KCNA2: variants seen among roughly 807,000 people sequenced by gnomAD.
KCNA2 encodes potassium channel, voltage gated shaker related subfamily A, member 2.
In KCNA2, 11 loss-of-function variants were observed where a neutral mutation model predicts 33.4. The observed-to-expected ratio is 0.33, with a 90% CI of 0.21 to 0.55. The LOEUF (loss-of-function observed/expected upper bound fraction) is 0.55. KCNA2 is among the 20% of genes least tolerant of loss of function. KCNA2 has a pLI of 0.93. For synonymous variants in KCNA2, 222 were observed against 231.3 expected (o/e 0.96, Z 0.37); for missense variants, 291 against 621.6 (o/e 0.47, Z 5.66).
rs2101351152 is a variant in KCNA2, at chr1:110,594,788, C to T, written c.*8495G>A. On this transcript the variant is annotated 3_prime_UTR_variant, in exon 3 of 3. Transcript: ENST00000316361. Reference sequence around the variant, plus strand: ...CGCCAAAGCCAGCCAGGCCTCTCTTCTTGCTTTTCTATCCCATTTCTTAGC... The same window carrying T: ...CGCCAAAGCCAGCCAGGCCTCTCTTTTTGCTTTTCTATCCCATTTCTTAGC... 1.0e-6 allele frequency: 1 copy of T among 985,616 alleles called. No individual in the cohort carries two copies. The highest frequency in any genetic ancestry group is 6.1e-5 in the Admixed American group (1 of 16,294). 61.1% of individuals were successfully genotyped at this position (985,616 alleles called of 1,614,324 possible). A position where few individuals can be genotyped will look rare whatever the true frequency, so the allele number is the denominator to read the frequency against.
chr1:110,596,800 C>A lies in KCNA2; in HGVS notation c.*6483G>T. 2 of 985,410 alleles carry A rather than the reference C, an allele frequency of 2.0e-6. No homozygotes were observed. Among genetic ancestry groups the A allele is most frequent in the Admixed American group, 6.1e-5 (1 of 16,278 alleles). The allele number at this position is 985,410 out of a possible 1,614,324, so 61.0% of individuals were successfully genotyped here. A position where few individuals can be genotyped will look rare whatever the true frequency, so the allele number is the denominator to read the frequency against. ...GGATGTTCCTGTCCCTGAGGTTTCC[C>A]CATCAGTTAACTGAGGTTTTGCTGT... is the stretch of plus-strand genomic sequence containing the variant. On this transcript the variant is annotated 3_prime_UTR_variant, in exon 3 of 3. Transcript: ENST00000316361.
intron 1 of KCNA2, chr1:110,631,358 T>A (rs1207456921): frequency 1.3e-5 from 2 of 152,474 alleles, no homozygotes; most frequent in South Asian, 4.1e-4. Flanking sequence ...TGTCCACACA[T>A]GCATGCTCAC....
At chr1:110,616,014 A>G (rs1461333981) in intron 1 of KCNA2, among the ~76,000 whole-genome samples, 2 of 152,362 alleles carry the variant, frequency 1.3e-5, no homozygotes, top group East Asian at 1.9e-4. Context: ...AGCCTCACCA[A>G]TTCAGAAAAA....
At chr1:110,622,595 A>G (rs1284365484) in intron 1 of KCNA2, among the ~76,000 whole-genome samples, 2 of 152,262 alleles carry the variant, frequency 1.3e-5, no homozygotes, top group East Asian at 3.9e-4. Flanking sequence ...AGAAAATCCA[A>G]TGGAATCTAC....
Position 110,598,072 on chromosome 1 carries a change from G to T in KCNA2, c.*5211C>A. The T allele has an allele frequency of 1.0e-6, 1 of 985,250 alleles. No homozygotes were observed. The highest frequency in any genetic ancestry group is 1.2e-6 in the Non-Finnish European group (1 of 829,812). 61.0% of individuals were successfully genotyped at this position (985,250 alleles called of 1,614,324 possible). ...GCTCCCAGCATCCCCCTCTCTGCGCGTTGGCTCAGGTGACTGATGATGTTA... is the reference window on the plus strand; with the variant it reads ...GCTCCCAGCATCCCCCTCTCTGCGCTTTGGCTCAGGTGACTGATGATGTTA... On this transcript the variant is annotated 3_prime_UTR_variant, in exon 3 of 3. Transcript: ENST00000316361.
chr1:110,610,370 C>G (rs1347038166), upstream of KCNA2, among the ~76,000 whole-genome samples: 1 of 152,214 alleles, frequency 6.6e-6, no homozygotes, highest in Non-Finnish European at 1.5e-5. Flanking sequence ...CCTGGCATGA[C>G]TGCTGCCTCT....
At chr1:110,614,868 A>G (rs1253221985) in intron 1 of KCNA2, among the ~76,000 whole-genome samples, 1 of 152,220 alleles carries the variant, frequency 6.6e-6, no homozygotes, top group Non-Finnish European at 1.5e-5. Context: ...ATTCCAGCCC[A>G]GACTTTGCTG....
Position 110,604,062 on chromosome 1 carries a change from A to G in KCNA2, c.721T>C (p.Phe241Leu), listed in dbSNP as rs1377332678. Residue 241 changes from phenylalanine to leucine, a missense_variant, in exon 3 of 3, where the codon TTC becomes CTC. Coordinates refer to ENST00000316361, the MANE Select transcript of KCNA2 (RefSeq NM_004974.4). The surrounding 1 kb of genome is among the most constrained non-coding windows in gnomAD (Gnocchi z 7.6). The stretch of plus-strand genomic sequence containing the variant: ...CCGGCTTTGCTGGGACAGGCAAAGA[A>G]CCTCACCAAGAATTCAAAGGAGAAC... ...IWFSFEFLVR[F>L]FACPSKAGFF... The G allele has an allele frequency of 6.2e-7, 1 of 1,614,184 alleles. No homozygotes were observed. Among genetic ancestry groups the G allele is most frequent in the Admixed American group, 1.7e-5 (1 of 60,026 alleles).
At chr1:110,626,711 C>T (rs1399541294) in intron 1 of KCNA2, among the ~76,000 whole-genome samples, 1 of 152,198 alleles carries the variant, frequency 6.6e-6, no homozygotes, top group Admixed American at 6.5e-5. Flanking sequence ...ACTCCTACAC[C>T]TGTCCTCAAG....
chr1:110,624,323 C>A (rs748925706), intron 1 of KCNA2, among the ~76,000 whole-genome samples: 3 of 152,246 alleles, frequency 2.0e-5, no homozygotes, highest in Non-Finnish European at 4.4e-5. Flanking sequence ...AAGAAATAGA[C>A]TACTGGTATA....
intron 1 of KCNA2, among the ~76,000 whole-genome samples, chr1:110,621,665 T>A (rs1401827368): frequency 6.6e-6 from 1 of 152,156 alleles, no homozygotes; most frequent in Non-Finnish European, 1.5e-5. Context: ...TTACTATTAT[T>A]AACTCTACAG....
upstream of KCNA2, among the ~76,000 whole-genome samples, chr1:110,611,204 T>G (rs1230031179): frequency 6.6e-6 from 1 of 152,238 alleles, no homozygotes; most frequent in African/African-American, 2.4e-5. Context: ...CTGTTGTTGC[T>G]GATGTTGTGT....
At chr1:110,612,267 C>T (rs181466456) in intron 1 of KCNA2, among the ~76,000 whole-genome samples, 4 of 152,236 alleles carry the variant, frequency 2.6e-5, no homozygotes, top group East Asian at 1.9e-4. Flanking sequence ...GTGCAAACAT[C>T]GTAGAGTGTA....
intron 1 of KCNA2, among the ~76,000 whole-genome samples, chr1:110,629,835 C>T (rs1218636175): frequency 5.9e-5 from 9 of 152,008 alleles, no homozygotes; most frequent in Admixed American, 2.0e-4. Flanking sequence ...GAGAGAAAAA[C>T]GAGGAGACCG....
chr1:110,602,169 T>C lies in KCNA2; in HGVS notation c.*1114A>G. 6.4e-7 allele frequency: 1 copy of C among 1,550,496 alleles called. No individual in the cohort carries two copies. The highest frequency in any genetic ancestry group is 8.7e-7 in the Non-Finnish European group (1 of 1,146,990). On this transcript the variant is annotated 3_prime_UTR_variant, in exon 3 of 3. Coordinates refer to ENST00000316361, the MANE Select transcript of KCNA2 (RefSeq NM_004974.4). Reference sequence around the variant, plus strand: ...CTTCTGGCTTTGCAGAGGTCTGCGTTCCTGTTTAGAAGAACAGGGATAGGT... The same window carrying C: ...CTTCTGGCTTTGCAGAGGTCTGCGTCCCTGTTTAGAAGAACAGGGATAGGT...
upstream of KCNA2, among the ~76,000 whole-genome samples, chr1:110,609,986 TGG>T (rs1458874455): frequency 6.6e-6 from 1 of 152,210 alleles, no homozygotes; most frequent in African/African-American, 2.4e-5. Flanking sequence ...CTATAAAGAA[TGG>T]ACAGCCAGCT....
In KCNA2 at chr1:110,601,074, T is replaced by C. The variant is rs114423761; in HGVS notation, c.*2209A>G. On this transcript the variant is annotated 3_prime_UTR_variant, in exon 3 of 3. Coordinates refer to ENST00000316361, the MANE Select transcript of KCNA2 (RefSeq NM_004974.4). Reference sequence around the variant, plus strand: ...GCCATTTCAGGGTCAACCTACTGTCTACCTTTAGGCTGTGCAGTGCTCATT... The same window carrying C: ...GCCATTTCAGGGTCAACCTACTGTCCACCTTTAGGCTGTGCAGTGCTCATT... The C allele has an allele frequency of 4.5e-4, 443 of 985,450 alleles. No homozygotes were observed. The African/African-American group carries it at 7.3e-3, about 16-fold the overall frequency. The allele number at this position is 985,450 out of a possible 1,614,324, so 61.0% of individuals were successfully genotyped here. A position where few individuals can be genotyped will look rare whatever the true frequency, so the allele number is the denominator to read the frequency against.
At position 110,602,044 on chromosome 1, in the gene KCNA2, G is replaced by C; in HGVS notation, c.*1239C>G. ...GATCCACAGACCTGCCTGTCATCAG[G>C]ACCAGATGCCCTGGTCCACTGTACA... On this transcript the variant is annotated 3_prime_UTR_variant, in exon 3 of 3. Coordinates refer to ENST00000316361, the MANE Select transcript of KCNA2 (RefSeq NM_004974.4). The C allele has an allele frequency of 3.9e-6, 6 of 1,550,398 alleles. No individual in the cohort carries two copies. Among genetic ancestry groups the C allele is most frequent in the Non-Finnish European group, 5.2e-6 (6 of 1,146,950 alleles).
Position 110,604,033 on chromosome 1 carries a change from G to A in KCNA2, c.750C>T (p.Phe250=), listed in dbSNP as rs777569496. The change falls in exon 3 of 3, where the codon TTC becomes TTT. Residue 250 remains phenylalanine (F), a synonymous_variant. Transcript: ENST00000316361. This position sits in a 1 kb window ranked among gnomAD's most constrained non-coding sequence, Gnocchi z 7.6. ...RFFACPSKAG[F]FTNIMNIIDI... is the part of the protein sequence containing the mutation. ...CAATGATGTTCATGATGTTGGTGAAGAAGCCGGCTTTGCTGGGACAGGCAA... is the reference window on the plus strand; with the variant it reads ...CAATGATGTTCATGATGTTGGTGAAAAAGCCGGCTTTGCTGGGACAGGCAA... The A allele has an allele frequency of 3.1e-6, 5 of 1,614,240 alleles. No individual in the cohort carries two copies. The highest frequency in any genetic ancestry group is 4.2e-6 in the Non-Finnish European group (5 of 1,180,034).
Sources: gnomAD v4.1 joint callset for allele counts (sites outside exome capture counted in the v4.1 genomes callset) on GRCh38, gnomAD v4.1.1 for gene constraint, Gnocchi (gnomAD v3.1) non-coding constraint, MANE v1.5 for transcripts, NCBI Gene and HGNC (gene_info 2026-07-23, HGNC 2026-07-21) for gene names.